The following PSME4 variants were observed in gnomAD, a reference collection of about 807,000 sequenced individuals.
PSME4 encodes proteasome activator complex subunit 4.
In PSME4, 89 loss-of-function variants were observed where a neutral mutation model predicts 253.9. The observed-to-expected ratio is 0.35, with a 90% CI of 0.30 to 0.42. The LOEUF is 0.42. Among genes scored for constraint, PSME4 ranks in the 10% least tolerant of loss-of-function variants. PSME4 has a pLI of 1.00. For missense variants in PSME4, 2,014 were observed against 2,195.2 expected (o/e 0.92, Z 1.65); for synonymous variants, 851 against 759.2 (o/e 1.12, Z -1.99).
At position 53,895,662 on chromosome 2, in the gene PSME4, T is replaced by C; in HGVS notation, c.3763A>G (p.Thr1255Ala). 5 of 1,613,714 alleles carry C rather than the reference T, an allele frequency of 3.1e-6. No homozygotes were observed. The highest frequency in any genetic ancestry group is 3.4e-6 in the Non-Finnish European group (4 of 1,179,818). ...CATTCTTTTTTAGTTCTTGGTATAG[T>C]TTTGCTGTCATAATGCAACCAATGA... Reference protein sequence around the residue: ...DNHWLHYDSKTIPRTKKEWES... With the variant: ...DNHWLHYDSKAIPRTKKEWES... The change falls in exon 33 of 47, where the codon ACT becomes GCT. Residue 1255 changes from threonine to alanine, a missense_variant. Around this residue, in one of 4 missense-constraint regions of PSME4, gnomAD observed 989 missense variants for 1,021.1 expected, o/e 0.97. Coordinates refer to ENST00000404125, the MANE Select transcript of PSME4 (RefSeq NM_014614.3).
intron 1 of PSME4, among the ~76,000 whole-genome samples, chr2:53,957,040 G>C (rs543698498): frequency 6.6e-6 from 1 of 152,080 alleles, no homozygotes; most frequent in African/African-American, 2.4e-5. Context: ...CATCTTTCAG[G>C]AATGCCAGAG....
At chr2:53,886,945 G>C (rs1162581728) in intron 40 of PSME4, among the ~76,000 whole-genome samples, 5 of 152,174 alleles carry the variant, frequency 3.3e-5, no homozygotes, top group African/African-American at 1.2e-4. Context: ...GACCTACCTA[G>C]AATGGGCAAA....
At chr2:53,927,001 AAG>A (rs1291502785) in intron 12 of PSME4, among the ~76,000 whole-genome samples, 7 of 152,094 alleles carry the variant, frequency 4.6e-5, no homozygotes, top group African/African-American at 1.7e-4. Context: ...GAAAGAAAGA[AAG>A]AAGTTTTGAA....
At chr2:53,912,671 G>T (rs566957972) in intron 20 of PSME4, among the ~76,000 whole-genome samples, 3 of 152,064 alleles carry the variant, frequency 2.0e-5, no homozygotes, top group African/African-American at 7.2e-5. Flanking sequence ...TCGCTATGGT[G>T]CCCAAGCTGG....
chr2:53,965,320 C>T (rs1380553882), intron 1 of PSME4, among the ~76,000 whole-genome samples: 3 of 151,154 alleles, frequency 2.0e-5, no homozygotes, highest in Non-Finnish European at 4.4e-5. Flanking sequence ...GCCATCTCGG[C>T]TCACTGTAGC....
intron 44 of PSME4, among the ~76,000 whole-genome samples, chr2:53,867,501 G>GAAAAAAAAAAAAAA (rs1223931718): frequency 8.8e-6 from 1 of 113,442 alleles, no homozygotes. Flanking sequence ...TCCGTCTCAA[G>GAAAAAAAAAAAAAA]GAAAAAAAAA....
At chr2:53,910,018 G>A in intron 21 of PSME4, 57 bp downstream of exon 21, 1 of 1,326,872 alleles carries the variant, frequency 7.5e-7, no homozygotes. Context: ...TTTAGTCCTT[G>A]TGGAGTTACT....
chr2:53,941,135 CAG>C (rs1358258018), intron 3 of PSME4, among the ~76,000 whole-genome samples: 2 of 145,528 alleles, frequency 1.4e-5, no homozygotes, highest in Admixed American at 1.4e-4. Flanking sequence ...CAAGGAATAA[CAG>C]AGAGCAAACT....
Position 53,875,647 on chromosome 2 carries a change from C to T in PSME4, c.4924G>A (p.Val1642Ile), listed in dbSNP as rs1328344059. Residue 1642 changes from valine to isoleucine, a missense_variant, in exon 42 of 47, where the codon GTA becomes ATA. Around this residue, in one of 4 missense-constraint regions of PSME4, gnomAD observed 403 missense variants for 556.1 expected, o/e 0.72. Coordinates refer to ENST00000404125, the MANE Select transcript of PSME4 (RefSeq NM_014614.3). ...GLLYPHQVPLVLQVLKQTARS... is the reference protein window; with the variant it reads ...GLLYPHQVPLILQVLKQTARS... Reference sequence around the variant, plus strand: ...CTTACTTGTTTTAGCACCTGAAGTACCAAAGGCACTTGATGAGGGTAAAGC... The same window carrying T: ...CTTACTTGTTTTAGCACCTGAAGTATCAAAGGCACTTGATGAGGGTAAAGC... 1 of 1,608,032 alleles carries T rather than the reference C, an allele frequency of 6.2e-7. No homozygotes were observed. Among genetic ancestry groups the T allele is most frequent in the Non-Finnish European group, 8.5e-7 (1 of 1,177,706 alleles).
chr2:53,898,413 T>A (rs1680240560), intron 29 of PSME4, 59 bp from the exon 30 acceptor site: 5 of 1,301,654 alleles, frequency 3.8e-6, no homozygotes, highest in Non-Finnish European at 5.3e-6. Flanking sequence ...ATCAAAAATA[T>A]AATAGAAATT....
rs569785674 is a variant in PSME4 at position 53,967,550 on chromosome 2, G to A, written c.242+2993C>T. 2.1e-5 allele frequency among the ~76,000 whole-genome samples: 3 copies of A among 145,886 alleles called. No individual in the cohort carries two copies. The South Asian group carries it at 6.8e-4, about 33-fold the overall frequency. On this transcript the variant is annotated intron_variant, in intron 1 of 46. Transcript: ENST00000404125. ...CCAGCTACTCAGGAGGCTGAGGCAG[G>A]AGAATCGTTTGAACCAGGGAGGTGG...
chr2:53,887,158 T>C lies in PSME4; in HGVS notation c.4729+101A>G, dbSNP rs999495643. 5 of 1,057,846 alleles carry C rather than the reference T, an allele frequency of 4.7e-6. No individual in the cohort carries two copies. In the South Asian group the frequency reaches 7.6e-5, roughly 16 times the overall value. 65.5% of individuals were successfully genotyped at this position (1,057,846 alleles called of 1,614,324 possible). A position where few individuals can be genotyped will look rare whatever the true frequency, so the allele number is the denominator to read the frequency against. On this transcript the variant is annotated intron_variant, in intron 40 of 46. Coordinates refer to ENST00000404125, the MANE Select transcript of PSME4 (RefSeq NM_014614.3). ...AATGGTTAAAACAGTAAATTTTTCA[T>C]TATGTCTATTTTACCACAATAAAAA...
Position 53,896,484 on chromosome 2 carries a change from G to C in PSME4, c.3688+320C>G, listed in dbSNP as rs991106196. Reference sequence around the variant, plus strand: ...AGGTATGAGGAAGAAAATTCACCTTGTCCCTAATCCCACCACCCAAAGAGA... The same window carrying C: ...AGGTATGAGGAAGAAAATTCACCTTCTCCCTAATCCCACCACCCAAAGAGA... On this transcript the variant is annotated intron_variant, in intron 32 of 46. Transcript: ENST00000404125. Among the ~76,000 whole-genome samples the C allele has an allele frequency of 9.2e-5, 14 of 152,078 alleles. 2 individuals are homozygous for C. The highest frequency in any genetic ancestry group is 7.9e-4 in the Admixed American group (12 of 15,264).
chr2:53,893,579 G>T, intron 35 of PSME4, 95 bp downstream of exon 35: 5 of 1,554,002 alleles, frequency 3.2e-6, no homozygotes, highest in Non-Finnish European at 4.3e-6. Context: ...GATCAAGGCA[G>T]ATGGCTAGCT....
intron 29 of PSME4, among the ~76,000 whole-genome samples, chr2:53,898,730 CA>C (rs1253678525): frequency 6.6e-6 from 1 of 151,736 alleles, no homozygotes; most frequent in Admixed American, 6.6e-5. Flanking sequence ...TATTTATAGA[CA>C]TTTTAGAAAA....
intron 39 of PSME4, 119 bp from the exon 40 acceptor site, chr2:53,887,586 A>G (rs560776042): frequency 2.0e-6 from 2 of 979,182 alleles, no homozygotes; most frequent in South Asian, 3.5e-5. Flanking sequence ...AGTGGGTCTT[A>G]GATTATGCCT....
intron 44 of PSME4, among the ~76,000 whole-genome samples, chr2:53,867,618 A>G (rs1050467835): frequency 6.7e-6 from 1 of 149,990 alleles, no homozygotes; most frequent in African/African-American, 2.5e-5. Flanking sequence ...GCAGTGAGCC[A>G]TATTCAAAAC....
intron 4 of PSME4, among the ~76,000 whole-genome samples, chr2:53,938,963 A>T (rs893076026): frequency 6.6e-6 from 1 of 152,198 alleles, no homozygotes; most frequent in Non-Finnish European, 1.5e-5. Flanking sequence ...TTAACCCTGT[A>T]ATCCAAAATA....
intron 17 of PSME4, among the ~76,000 whole-genome samples, chr2:53,922,310 T>C (rs1001961282): frequency 1.3e-5 from 2 of 152,210 alleles, no homozygotes; most frequent in Non-Finnish European, 2.9e-5. Flanking sequence ...CTGGTAAAAC[T>C]AAGTAGATGG....
Sources: gnomAD v4.1 joint callset for allele counts (sites outside exome capture counted in the v4.1 genomes callset) on GRCh38, gnomAD v4.1.1 for gene constraint, gnomAD v4.1.1 regional missense constraint, MANE v1.5 for transcripts, NCBI Gene and HGNC (gene_info 2026-07-23, HGNC 2026-07-21) for gene names.